The following FAM184A variants were observed in gnomAD, a reference collection of about 807,000 sequenced individuals.
FAM184A encodes the protein family with sequence similarity 184 member A.
In FAM184A, 99 loss-of-function variants were observed where a neutral mutation model predicts 143.8. The ratio of observed to expected loss-of-function variants is 0.69; its 90% CI spans 0.58 to 0.81. The LOEUF (loss-of-function observed/expected upper bound fraction) is 0.81, where lower values mean the gene tolerates loss of function less well. FAM184A is among the 40% of genes least tolerant of loss of function. The probability of loss-of-function intolerance (pLI) is 0.00; values close to 1 mark genes in which losing one functional copy is unlikely to be tolerated. For missense variants in FAM184A, 1,217 were observed against 1,310.5 expected, an observed-to-expected ratio of 0.93 and a Z score of 1.10; for synonymous variants, 427 against 446.4, an observed-to-expected ratio of 0.96 and a Z score of 0.55.
intron 6 of FAM184A, among the ~76,000 whole-genome samples, chr6:119,008,584 A>AT (rs926837801): frequency 1.3e-5 from 2 of 151,730 alleles, no homozygotes; most frequent in African/African-American, 2.4e-5. Context: ...GAGTCAATAA[A>AT]TTTTTTTTTC....
chr6:118,979,563 G>A (rs1481712143), intron 10 of FAM184A, 45 bp from the exon 11 acceptor site: 1 of 1,433,948 alleles, frequency 7.0e-7, no homozygotes, highest in Non-Finnish European at 9.4e-7. Flanking sequence ...ATATAGGAAG[G>A]AAAATGCAAA....
intron 10 of FAM184A, among the ~76,000 whole-genome samples, chr6:118,979,912 T>G (rs893260917): frequency 1.7e-4 from 26 of 150,720 alleles, no homozygotes; most frequent in Non-Finnish European, 3.1e-4. Context: ...TAGCCAGGCA[T>G]GGTGGTGTGC....
intron 1 of FAM184A, among the ~76,000 whole-genome samples, chr6:119,135,241 TA>T (rs1465829810): frequency 6.6e-6 from 1 of 152,004 alleles, no homozygotes; most frequent in Admixed American, 6.6e-5. Flanking sequence ...GTGCACAATA[TA>T]TTTTTTTAGC....
intron 9 of FAM184A, among the ~76,000 whole-genome samples, chr6:118,982,467 T>C (rs1193162102): frequency 6.6e-6 from 1 of 152,224 alleles, no homozygotes; most frequent in East Asian, 1.9e-4. Flanking sequence ...TCAAAGCTAT[T>C]ACTTGGCACC....
intron 1 of FAM184A, among the ~76,000 whole-genome samples, chr6:119,127,849 T>G: frequency 6.6e-6 from 1 of 152,234 alleles, no homozygotes; most frequent in East Asian, 1.9e-4. Flanking sequence ...CATTCATTCA[T>G]TCATTCAACA....
intron 1 of FAM184A, among the ~76,000 whole-genome samples, chr6:119,033,419 A>T (rs2114711324): frequency 6.6e-6 from 1 of 152,212 alleles, no homozygotes; most frequent in South Asian, 2.1e-4. Context: ...TAATTCCAGC[A>T]CTTTGGGAGG....
chr6:119,048,418 T>C (rs1562127403), intron 1 of FAM184A, among the ~76,000 whole-genome samples: 1 of 152,106 alleles, frequency 6.6e-6, no homozygotes, highest in East Asian at 1.9e-4. Flanking sequence ...GGCATCCAAA[T>C]AGAAAGAGAA....
intron 1 of FAM184A, among the ~76,000 whole-genome samples, chr6:119,045,456 T>C (rs1786491086): frequency 6.6e-6 from 1 of 152,142 alleles, no homozygotes; most frequent in Admixed American, 6.5e-5. Flanking sequence ...CAAGGTCACA[T>C]GCAGGCCTCT....
chr6:119,014,390 G>T (rs945122303), intron 5 of FAM184A, among the ~76,000 whole-genome samples: 2 of 152,222 alleles, frequency 1.3e-5, no homozygotes, highest in African/African-American at 4.8e-5. Flanking sequence ...AGAGCTCAGT[G>T]TAAGGCCAAG....
chr6:119,016,845 C>G lies in FAM184A; in HGVS notation c.1432G>C (p.Ala478Pro), dbSNP rs749979020. 3 of 1,614,014 alleles carry G rather than the reference C, an allele frequency of 1.9e-6. No homozygotes were observed. Among genetic ancestry groups the G allele is most frequent in the Non-Finnish European group, 2.5e-6 (3 of 1,179,898 alleles). Residue 478 changes from alanine (A) to proline (P), a missense_variant, in exon 5 of 18, where the codon GCC (alanine) becomes CCC (proline). Coordinates refer to ENST00000338891, the MANE Select transcript of FAM184A (RefSeq NM_024581.6). ...LEEEVTQLNE[A>P]HSKTLEELAW... is the part of the protein sequence containing the mutation. Reference sequence around the variant, plus strand: ...AATTCTTCCAAAGTCTTAGAATGGGCCTCGTTTAATTGAGTCACCTCCTCT... The same window carrying G: ...AATTCTTCCAAAGTCTTAGAATGGGGCTCGTTTAATTGAGTCACCTCCTCT...
chr6:118,981,611 A>G (rs960199563), intron 9 of FAM184A, among the ~76,000 whole-genome samples: 1 of 152,172 alleles, frequency 6.6e-6, no homozygotes, highest in African/African-American at 2.4e-5. Context: ...AGAACGGAGG[A>G]AAGAATCATT....
chr6:119,118,691 C>A (rs561358645), intron 1 of FAM184A, among the ~76,000 whole-genome samples: 3 of 152,152 alleles, frequency 2.0e-5, no homozygotes, highest in Non-Finnish European at 2.9e-5. Flanking sequence ...ATCTCCTAAT[C>A]CCATCATTTT....
intron 1 of FAM184A, among the ~76,000 whole-genome samples, chr6:119,057,059 C>T (rs1787004662): frequency 1.3e-5 from 2 of 152,196 alleles, no homozygotes; most frequent in Admixed American, 1.3e-4. Flanking sequence ...AAATAATTCA[C>T]ATGCTTAGCA....
chr6:118,964,493 G>A (rs1783432681), intron 16 of FAM184A, among the ~76,000 whole-genome samples, 174 bp downstream of exon 16: 1 of 152,172 alleles, frequency 6.6e-6, no homozygotes, highest in Admixed American at 6.5e-5. Context: ...GTAGTATTCA[G>A]TTTCATTCTT....
intron 9 of FAM184A, among the ~76,000 whole-genome samples, chr6:118,983,925 G>A (rs972222281): frequency 1.3e-5 from 2 of 151,466 alleles, no homozygotes; most frequent in Non-Finnish European, 2.9e-5. Flanking sequence ...GAGACGGGTG[G>A]ATCACCAGAG....
chr6:119,003,044 T>G lies in FAM184A; in HGVS notation c.1943A>C (p.Glu648Ala). ...EIKWTENLRQ[E>A]CSKLREELRL... ...TAACTCTTCACGAAGTTTAGAACACTCTTGTCTAAAATAAAACAACTGCAT... is the reference window on the plus strand; with the variant it reads ...TAACTCTTCACGAAGTTTAGAACACGCTTGTCTAAAATAAAACAACTGCAT... Residue 648 changes from glutamate to alanine, a missense_variant, in exon 9 of 18, where the codon GAG becomes GCG. Physicochemically the swap from Glu to Ala is moderately radical, Grantham distance 107. Transcript: ENST00000338891. 6.3e-7 allele frequency: 1 copy of G among 1,596,696 alleles called. No homozygotes were observed.
At position 119,024,380 on chromosome 6, in the gene FAM184A, A is replaced by G; in HGVS notation, c.593T>C (p.Ile198Thr). ...CTGCTGTGACTTCAATAGCTCTTGT[A>G]TCTCCCGTCTGTGAGCAGCTTGCAA... ...EDLQAAHRREIQELLKSQQDH... is the reference protein window; with the variant it reads ...EDLQAAHRRETQELLKSQQDH... Residue 198 changes from isoleucine to threonine, a missense_variant, in exon 2 of 18, where the codon ATA becomes ACA. Ile to Thr is a moderately conservative substitution (Grantham distance 89). Coordinates refer to ENST00000338891, the MANE Select transcript of FAM184A (RefSeq NM_024581.6). The G allele has an allele frequency of 6.2e-7, 1 of 1,614,110 alleles. No individual in the cohort carries two copies. Among genetic ancestry groups the G allele is most frequent in the Non-Finnish European group, 8.5e-7 (1 of 1,180,030 alleles).
intron 1 of FAM184A, among the ~76,000 whole-genome samples, chr6:119,091,032 CCTTT>C (rs1341563748): frequency 1.8e-4 from 27 of 152,204 alleles, no homozygotes; most frequent in Admixed American, 1.7e-3. Flanking sequence ...ATGAAAAATG[CCTTT>C]CTTTGTCTAC....
Position 119,002,913 on chromosome 6 carries a change from C to G in FAM184A, c.2074G>C (p.Asp692His), listed in dbSNP as rs1378933012. 1 of 1,610,496 alleles carries G rather than the reference C, an allele frequency of 6.2e-7. No individual in the cohort carries two copies. Among genetic ancestry groups the G allele is most frequent in the African/African-American group, 1.3e-5 (1 of 74,908 alleles). The part of the protein sequence containing the change: ...ARDSWQKKVE[D>H]LLNQISLLKQ... ...TTATTAATTACCTGGTTTAAGAGAT[C>G]TTCTACTTTCTTCTGCCATGAATCT... The change falls in exon 9 of 18, where the codon GAT (aspartate) becomes CAT (histidine). Residue 692 changes from aspartate (D) to histidine (H), a missense_variant. By Grantham distance (81) the Asp-to-His change is moderately conservative. Transcript: ENST00000338891.
Sources: allele counts gnomAD v4.1 joint callset (sites outside exome capture counted in the v4.1 genomes callset), GRCh38; gene constraint gnomAD v4.1.1; transcripts MANE v1.5; gene names NCBI Gene and HGNC (gene_info 2026-07-23, HGNC 2026-07-21).